Variants in HTRA3 observed in about 807,000 individuals in gnomAD.
HTRA3 encodes the protein HtrA serine peptidase 3.
HTRA3 carries 41 observed loss-of-function variants against 43.2 expected under a neutral mutation model. The ratio of observed to expected loss-of-function variants is 0.95; its 90% CI spans 0.74 to 1.23. The LOEUF is 1.23. Ranked by LOEUF, HTRA3 falls within the 50% of genes most tolerant of loss-of-function variation. The probability of loss-of-function intolerance (pLI) is 0.00; values close to 1 mark genes in which losing one functional copy is unlikely to be tolerated. For missense variants in HTRA3, 628 were observed against 647.1 expected (o/e 0.97, Z 0.32); for synonymous variants, 295 against 287.9 (o/e 1.02, Z -0.25).
chr4:8,298,124 A>T (rs903562671), intron 6 of HTRA3, among the ~76,000 whole-genome samples: 21 of 152,272 alleles, frequency 1.4e-4, no homozygotes, highest in African/African-American at 4.8e-4. Flanking sequence ...GCTCCTCCGG[A>T]TGCTGCCCCA....
Position 8,286,827 on chromosome 4 carries a change from C to A in HTRA3, c.708+44C>A. The stretch of plus-strand genomic sequence containing the variant: ...AGGGGCGGAAGCACCTGGGGCTGGG[C>A]ATGGTGGCCTCTTCCCAGACGCCGG... On this transcript the variant is annotated intron_variant, in intron 3 of 8. Transcript: ENST00000307358. This position sits in a 1 kb window ranked among gnomAD's most constrained non-coding sequence, Gnocchi z 4.9. 1 of 1,458,452 alleles carries A rather than the reference C, an allele frequency of 6.9e-7. No individual in the cohort carries two copies. The highest frequency in any genetic ancestry group is 9.5e-7 in the Non-Finnish European group (1 of 1,053,740). The allele number at this position is 1,458,452 out of a possible 1,614,324, so 90.3% of individuals were successfully genotyped here. A position where few individuals can be genotyped will look rare whatever the true frequency, so the allele number is the denominator to read the frequency against.
intron 6 of HTRA3, among the ~76,000 whole-genome samples, chr4:8,299,548 G>A (rs143993541): frequency 3.2e-4 from 48 of 152,134 alleles, no homozygotes; most frequent in African/African-American, 1.1e-3. Flanking sequence ...TCCTTGTCCC[G>A]TTCGTGATCT....
In HTRA3 at chr4:8,295,888, G is replaced by C. The variant is rs1713437050; in HGVS notation, c.1051+1687G>C. The C allele has an allele frequency of 4.0e-6, 5 of 1,235,054 alleles. No homozygotes were observed. Among genetic ancestry groups the C allele is most frequent in the African/African-American group, 3.1e-5 (2 of 64,502 alleles). The allele number at this position is 1,235,054 out of a possible 1,614,324, so 76.5% of individuals were successfully genotyped here. ...ATTATGGGAAGACAATCTGGAGCCA[G>C]GCAGAGCCTGTCTTTCCCAAAGAAG... On this transcript the variant is annotated intron_variant, in intron 6 of 8. Transcript: ENST00000307358. This position sits in a 1 kb window ranked among gnomAD's most constrained non-coding sequence, Gnocchi z 6.9.
Position 8,282,509 on chromosome 4 carries a change from C to A in HTRA3, c.458C>A (p.Ala153Asp). The A allele has an allele frequency of 6.2e-7, 1 of 1,614,034 alleles. No individual in the cohort carries two copies. Residue 153 changes from alanine to aspartate, a missense_variant, in exon 2 of 9, where the codon GCC becomes GAC. Coordinates refer to ENST00000307358, the MANE Select transcript of HTRA3 (RefSeq NM_053044.5). ...IADVVEKIAP[A>D]VVHIELFLRH... ...GACGTGGTGGAGAAGATCGCACCAG[C>A]CGTGGTCCACATAGAGCTCTTCCTG... is the stretch of plus-strand genomic sequence containing the variant.
chr4:8,270,728 C>T (rs1164631986), intron 1 of HTRA3, among the ~76,000 whole-genome samples: 1 of 152,234 alleles, frequency 6.6e-6, no homozygotes, highest in Non-Finnish European at 1.5e-5. Flanking sequence ...CCTAACTCTC[C>T]AGCCGGGGTG....
intron 1 of HTRA3, among the ~76,000 whole-genome samples, chr4:8,273,292 G>A (rs530868147): frequency 1.3e-5 from 2 of 152,178 alleles, no homozygotes; most frequent in African/African-American, 4.8e-5. Context: ...TTCCAGCAGC[G>A]TAGCCGGCTT....
chr4:8,285,470 C>G (rs4235255), intron 2 of HTRA3, among the ~76,000 whole-genome samples: 92,518 of 152,110 alleles, frequency 0.61, 28,723 homozygotes, highest in East Asian at 0.81. Context: ...GTCTCTTGCT[C>G]TCACCTGCCT....
At chr4:8,283,264 C>T (rs1245883259) in intron 2 of HTRA3, among the ~76,000 whole-genome samples, 1 of 152,144 alleles carries the variant, frequency 6.6e-6, no homozygotes, top group Non-Finnish European at 1.5e-5. Context: ...ATGTCCCAGC[C>T]CCGTAGAGGA....
chr4:8,287,536 C>T (rs1713041307), intron 3 of HTRA3, among the ~76,000 whole-genome samples: 1 of 152,034 alleles, frequency 6.6e-6, no homozygotes, highest in Non-Finnish European at 1.5e-5. Flanking sequence ...GACATCTTCT[C>T]ATGGCAGAGC....
intron 6 of HTRA3, among the ~76,000 whole-genome samples, chr4:8,299,388 T>C (rs143730876): frequency 1.3e-5 from 2 of 152,350 alleles, no homozygotes; most frequent in East Asian, 1.9e-4. Flanking sequence ...ACTTTTTTTG[T>C]AGATTCCATC....
At chr4:8,288,595 C>T (rs1357241469) in intron 3 of HTRA3, among the ~76,000 whole-genome samples, 3 of 120,952 alleles carry the variant, frequency 2.5e-5, no homozygotes, top group Non-Finnish European at 3.3e-5. Context: ...TTTTTTGAGA[C>T]GGGTTCTTGC....
In HTRA3 at chr4:8,296,897, A is replaced by T. The variant is rs114598857; in HGVS notation, c.1051+2696A>T. Reference sequence around the variant, plus strand: ...CTTTCCCTGGTCTCAGACATCACAGAGTTCCCAGATCTCTGACATCACAGG... The same window carrying T: ...CTTTCCCTGGTCTCAGACATCACAGTGTTCCCAGATCTCTGACATCACAGG... On this transcript the variant is annotated intron_variant, in intron 6 of 8. Transcript: ENST00000307358. This position sits in a 1 kb window ranked among gnomAD's most constrained non-coding sequence, Gnocchi z 5.3. 0.011 allele frequency among the ~76,000 whole-genome samples: 1,729 copies of T among 152,198 alleles called. 26 individuals are homozygous for T. The highest frequency in any genetic ancestry group is 0.04 in the African/African-American group (1,657 of 41,504).
At chr4:8,282,947 C>T (rs1024743238) in intron 2 of HTRA3, among the ~76,000 whole-genome samples, 6 of 152,072 alleles carry the variant, frequency 3.9e-5, no homozygotes, top group Non-Finnish European at 7.4e-5. Flanking sequence ...GAGCAGGGCT[C>T]GGGGCAGTGG....
At chr4:8,274,668 C>T (rs894906416) in intron 1 of HTRA3, among the ~76,000 whole-genome samples, 6 of 152,220 alleles carry the variant, frequency 3.9e-5, no homozygotes, top group African/African-American at 1.4e-4. Context: ...GATAAATGTC[C>T]ATCCACGGGA....
rs370982156 is a variant in HTRA3 at position 8,282,396 on chromosome 4, C to T, written c.386-41C>T. The T allele has an allele frequency of 2.1e-4, 320 of 1,494,562 alleles. 1 individual carries two copies. Among genetic ancestry groups the T allele is most frequent in the Admixed American group, 1.7e-3 (95 of 56,474 alleles). 92.6% of individuals were successfully genotyped at this position (1,494,562 alleles called of 1,614,324 possible). On this transcript the variant is annotated intron_variant, in intron 1 of 8. Coordinates refer to ENST00000307358, the MANE Select transcript of HTRA3 (RefSeq NM_053044.5). ...ATAGGCCTCTGGGAGCTGGCAGCAT[C>T]GTGATCTCACTGATGCACCTGGCCC... is the stretch of plus-strand genomic sequence containing the variant.
At chr4:8,292,753 C>T (rs1340434698) in intron 5 of HTRA3, among the ~76,000 whole-genome samples, 3 of 152,180 alleles carry the variant, frequency 2.0e-5, no homozygotes, top group Non-Finnish European at 4.4e-5. Flanking sequence ...TCAGCCTCAT[C>T]CCAGGTGAGA....
At chr4:8,280,151 G>C (rs1275403875) in intron 1 of HTRA3, among the ~76,000 whole-genome samples, 2 of 152,158 alleles carry the variant, frequency 1.3e-5, no homozygotes, top group African/African-American at 2.4e-5. Flanking sequence ...TGGAGTTGGT[G>C]GCCCGACAAA....
chr4:8,270,493 G>C (rs1201575967), intron 1 of HTRA3, 140 bp downstream of exon 1: 1 of 986,090 alleles, frequency 1.0e-6, no homozygotes, highest in Non-Finnish European at 1.4e-6. Context: ...CCAGCCCTCT[G>C]GTCTTTCAGA....
At position 8,286,295 on chromosome 4, in the gene HTRA3, C is replaced by G. The variant is rs1466285122; in HGVS notation, c.486-266C>G. On this transcript the variant is annotated intron_variant, in intron 2 of 8. Transcript: ENST00000307358. The surrounding 1 kb of genome is among the most constrained non-coding windows in gnomAD (Gnocchi z 4.9). ...CGAGTGCAAGCTGGGAGTCATCTGA[C>G]ATGTCGCAGGCAGCCTGTCTCATCT... Among the ~76,000 whole-genome samples, 1 of 152,204 alleles carries G rather than the reference C, an allele frequency of 6.6e-6. No homozygotes were observed. Among genetic ancestry groups the G allele is most frequent in the Non-Finnish European group, 1.5e-5 (1 of 68,040 alleles).
Sources: allele counts gnomAD v4.1 joint callset (sites outside exome capture counted in the v4.1 genomes callset), GRCh38; gene constraint gnomAD v4.1.1; non-coding constraint Gnocchi (gnomAD v3.1); transcripts MANE v1.5; gene names NCBI Gene and HGNC (gene_info 2026-07-23, HGNC 2026-07-21).